RPA1: variants seen among roughly 807,000 people sequenced by gnomAD.
RPA1 encodes replication protein A1, also known as replication protein A 70 kDa DNA-binding subunit.
RPA1 carries 49 observed loss-of-function variants against 83.0 expected under a neutral mutation model. The observed-to-expected ratio is 0.59, with a 90% confidence interval of 0.47 to 0.75. The LOEUF (loss-of-function observed/expected upper bound fraction) is 0.75. Among genes scored for constraint, RPA1 ranks in the 30% least tolerant of loss-of-function variants. The pLI is 0.00. For synonymous variants in RPA1, 279 were observed against 281.8 expected (o/e 0.99, Z 0.10); for missense variants, 693 against 776.1 (o/e 0.89, Z 1.27).
At chr17:1,882,062 C>G (rs1466694526) in intron 12 of RPA1, among the ~76,000 whole-genome samples, 2 of 152,172 alleles carry the variant, frequency 1.3e-5, no homozygotes, top group East Asian at 3.9e-4. Flanking sequence ...AGGGTAACAT[C>G]CATTCTGTTA....
At chr17:1,891,560 C>T (rs546017421) in intron 14 of RPA1, 37 of 210,780 alleles carry the variant, frequency 1.8e-4, no homozygotes, top group Non-Finnish European at 3.1e-4. Flanking sequence ...GCTGGGATTA[C>T]AGGCACCCGC....
chr17:1,839,329 A>ATTTTTT (rs1243397311), intron 1 of RPA1, among the ~76,000 whole-genome samples: 5 of 150,178 alleles, frequency 3.3e-5, no homozygotes, highest in Admixed American at 6.7e-5. Flanking sequence ...TTTATTTTTT[A>ATTTTTT]TTTTTTATTT....
chr17:1,866,257 A>C (rs551427270), intron 5 of RPA1, among the ~76,000 whole-genome samples: 6 of 152,058 alleles, frequency 3.9e-5, no homozygotes, highest in African/African-American at 1.4e-4. Context: ...ACAACAAAAA[A>C]ATTTTTTTTT....
chr17:1,894,056 A>G (rs1422012897), intron 15 of RPA1, among the ~76,000 whole-genome samples: 2 of 132,426 alleles, frequency 1.5e-5, no homozygotes, highest in African/African-American at 5.7e-5. Context: ...TTTGGTAGAG[A>G]TGGGGTTTTG....
intron 7 of RPA1, among the ~76,000 whole-genome samples, chr17:1,875,997 T>C (rs930019155): frequency 3.1e-4 from 47 of 151,164 alleles, no homozygotes; most frequent in Non-Finnish European, 1.8e-4. Context: ...TTGGAAAATA[T>C]AGTAACAATA....
At chr17:1,880,944 G>A (rs758589359) in intron 12 of RPA1, among the ~76,000 whole-genome samples, 1 of 152,222 alleles carries the variant, frequency 6.6e-6, no homozygotes, top group Non-Finnish European at 1.5e-5. Flanking sequence ...TGCTGACCTC[G>A]ATCCTGCCAA....
chr17:1,865,787 C>G lies in RPA1; in HGVS notation c.362-6647C>G, dbSNP rs148460956. Among the ~76,000 whole-genome samples, 25 of 152,258 alleles carry G rather than the reference C, an allele frequency of 1.6e-4. 1 individual carries two copies. In the East Asian group the frequency reaches 4.6e-3, roughly 28 times the overall value. ...TGTGTACACTATCGTGTCTTTTTCT[C>G]CTGCTTTTACTTATTTATTATTATT... On this transcript the variant is annotated intron_variant, in intron 5 of 16. Coordinates refer to ENST00000254719, the MANE Select transcript of RPA1 (RefSeq NM_002945.5).
At chr17:1,869,993 G>T (rs1913318881) in intron 5 of RPA1, among the ~76,000 whole-genome samples, 1 of 152,096 alleles carries the variant, frequency 6.6e-6, no homozygotes, top group South Asian at 2.1e-4. Context: ...GCCAGAATTG[G>T]TCGTTCACAG....
chr17:1,862,387 G>A (rs1215547036), intron 5 of RPA1, among the ~76,000 whole-genome samples: 2 of 150,848 alleles, frequency 1.3e-5, no homozygotes, highest in African/African-American at 2.4e-5. Context: ...CATGGAAGAA[G>A]TAGATGTTAA....
chr17:1,850,313 C>G (rs1912443860), intron 4 of RPA1, among the ~76,000 whole-genome samples: 1 of 151,194 alleles, frequency 6.6e-6, no homozygotes, highest in East Asian at 2.0e-4. Context: ...AGGTGGATCA[C>G]CTGAGGTGGG....
rs1205018973 is a variant in RPA1, at chr17:1,875,857, CTT to C, written c.587+65_587+66del. ...GAAATCGGAGAAGCTATTATGGACTCTTGAGTTATTTATGCGTGAACTTCAGG... is the reference window on the plus strand; with the variant it reads ...GAAATCGGAGAAGCTATTATGGACTCGAGTTATTTATGCGTGAACTTCAGG... On this transcript the variant is annotated intron_variant, in intron 7 of 16. Coordinates refer to ENST00000254719, the MANE Select transcript of RPA1 (RefSeq NM_002945.5). 1.4e-5 allele frequency: 21 copies of C among 1,484,718 alleles called. No homozygotes were observed. In the South Asian group the frequency reaches 2.5e-4, roughly 18 times the overall value. 92.0% of individuals were successfully genotyped at this position (1,484,718 alleles called of 1,614,324 possible). A position where few individuals can be genotyped will look rare whatever the true frequency, so the allele number is the denominator to read the frequency against.
At chr17:1,879,130 A>T (rs754054077) in intron 9 of RPA1, 69 bp downstream of exon 9, 8 of 1,610,810 alleles carry the variant, frequency 5.0e-6, no homozygotes, top group Non-Finnish European at 6.8e-6. Flanking sequence ...ACGCTGGCCC[A>T]GGGGAGGGGT....
intron 4 of RPA1, among the ~76,000 whole-genome samples, chr17:1,849,480 G>T: frequency 6.6e-6 from 1 of 151,796 alleles, no homozygotes; most frequent in Non-Finnish European, 1.5e-5. Flanking sequence ...TTTTAGTATA[G>T]ACGGGGTTTC....
In RPA1 at chr17:1,898,171, A is replaced by C. The variant is rs1445470984; in HGVS notation, c.*996A>C. The C allele has an allele frequency of 5.9e-5, 9 of 152,198 alleles. No individual in the cohort carries two copies. The highest frequency in any genetic ancestry group is 1.5e-5 in the Non-Finnish European group (1 of 68,020). 9.4% of individuals were successfully genotyped at this position (152,198 alleles called of 1,614,324 possible). On this transcript the variant is annotated 3_prime_UTR_variant, in exon 17 of 17. Coordinates refer to ENST00000254719, the MANE Select transcript of RPA1 (RefSeq NM_002945.5). ...TGGGGGGGATGTTAACTCATTATAA[A>C]CCCGAAGATTAGTCCAAGGCATGGA... is the stretch of plus-strand genomic sequence containing the variant.
At chr17:1,889,607 C>T (rs1415451337) in intron 14 of RPA1, among the ~76,000 whole-genome samples, 3 of 152,134 alleles carry the variant, frequency 2.0e-5, no homozygotes, top group Non-Finnish European at 4.4e-5. Context: ...TTCCAAAGTG[C>T]TGGCATTACA....
intron 5 of RPA1, among the ~76,000 whole-genome samples, chr17:1,857,376 G>A (rs1458809122): frequency 1.3e-5 from 2 of 150,680 alleles, no homozygotes; most frequent in Non-Finnish European, 2.9e-5. Flanking sequence ...GGAAATCCAA[G>A]AAAAAGAAAT....
chr17:1,869,379 A>G (rs994254559), intron 5 of RPA1, among the ~76,000 whole-genome samples: 3 of 152,108 alleles, frequency 2.0e-5, no homozygotes, highest in Admixed American at 2.0e-4. Flanking sequence ...TCTACTAAAA[A>G]TCACAAAAAT....
chr17:1,897,322 C>A lies in RPA1; in HGVS notation c.*147C>A. On this transcript the variant is annotated 3_prime_UTR_variant, in exon 17 of 17. Transcript: ENST00000254719. ...GCAATTTCCCCCCTCGTGCGCATCT[C>A]AGAACCCATCGGTAGGCAAAGGAAA... 1 of 627,590 alleles carries A rather than the reference C, an allele frequency of 1.6e-6. No individual in the cohort carries two copies. Among genetic ancestry groups the A allele is most frequent in the Non-Finnish European group, 2.8e-6 (1 of 361,592 alleles). 38.9% of individuals were successfully genotyped at this position (627,590 alleles called of 1,614,324 possible). A position where few individuals can be genotyped will look rare whatever the true frequency, so the allele number is the denominator to read the frequency against.
intron 1 of RPA1, among the ~76,000 whole-genome samples, chr17:1,841,746 G>GTGAT (rs1473009085): frequency 6.6e-6 from 1 of 152,202 alleles, no homozygotes; most frequent in East Asian, 1.9e-4. Context: ...ACTGTTAAGT[G>GTGAT]TGATGGTAAC....
Sources: gnomAD v4.1 joint callset for allele counts (sites outside exome capture counted in the v4.1 genomes callset) on GRCh38, gnomAD v4.1.1 for gene constraint, MANE v1.5 for transcripts, NCBI Gene and HGNC (gene_info 2026-07-23, HGNC 2026-07-21) for gene names.